Variants in WDR7 observed in about 807,000 individuals in gnomAD.
WDR7 encodes WD repeat-containing protein 7.
WDR7 carries 46 observed loss-of-function variants against 169.4 expected under a neutral mutation model. The ratio of observed to expected loss-of-function variants is 0.27; its 90% CI spans 0.21 to 0.35. WDR7 has a LOEUF of 0.35. Among genes scored for constraint, WDR7 ranks in the 10% least tolerant of loss-of-function variants. The pLI, the probability that WDR7 is intolerant of heterozygous loss-of-function variation, is 1.00. For synonymous variants in WDR7, 612 were observed against 666.8 expected (o/e 0.92, Z 1.27); for missense variants, 1,534 against 1,859.3 (o/e 0.83, Z 3.22).
chr18:56,683,068 A>G (rs1012740332), intron 5 of WDR7, among the ~76,000 whole-genome samples: 3 of 152,328 alleles, frequency 2.0e-5, no homozygotes, highest in South Asian at 4.1e-4. Context: ...TCCATGATGT[A>G]TAGATCATCA....
At chr18:56,933,665 A>G (rs572869419) in intron 22 of WDR7, among the ~76,000 whole-genome samples, 26 of 152,370 alleles carry the variant, frequency 1.7e-4, no homozygotes, top group African/African-American at 6.0e-4. Context: ...TAACCACAGT[A>G]TGGTCACTCC....
intron 1 of WDR7, among the ~76,000 whole-genome samples, chr18:56,666,948 TA>T (rs2025038510): frequency 1.3e-5 from 2 of 151,576 alleles, no homozygotes; most frequent in African/African-American, 4.8e-5. Flanking sequence ...TGCTTAAATA[TA>T]AAAAATAAAA....
At chr18:56,693,176 A>G (rs1598966110) in intron 9 of WDR7, among the ~76,000 whole-genome samples, 1 of 152,248 alleles carries the variant, frequency 6.6e-6, no homozygotes, top group East Asian at 1.9e-4. Context: ...ATTAACCAGT[A>G]TTTGAATACA....
chr18:56,823,740 T>C (rs1286601395), intron 20 of WDR7, among the ~76,000 whole-genome samples: 2 of 152,200 alleles, frequency 1.3e-5, no homozygotes, highest in East Asian at 3.9e-4. Context: ...GCTTTCCCAC[T>C]TTTTAACAAT....
chr18:56,885,645 C>A (rs930788970), intron 21 of WDR7, among the ~76,000 whole-genome samples: 2 of 121,234 alleles, frequency 1.6e-5, no homozygotes, highest in African/African-American at 5.8e-5. Flanking sequence ...CACGGTGAAA[C>A]CCTGTCTCTA....
chr18:56,725,031 A>G (rs1052831993), intron 13 of WDR7, among the ~76,000 whole-genome samples: 4 of 151,520 alleles, frequency 2.6e-5, no homozygotes, highest in African/African-American at 4.9e-5. Context: ...TATGTGCCAC[A>G]TTTGCTTAAT....
At chr18:56,815,253 T>C (rs2044945179) in intron 19 of WDR7, among the ~76,000 whole-genome samples, 1 of 152,166 alleles carries the variant, frequency 6.6e-6, no homozygotes, top group African/African-American at 2.4e-5. Flanking sequence ...TATATTATCA[T>C]GATTGAGAAA....
intron 26 of WDR7, among the ~76,000 whole-genome samples, chr18:57,017,316 A>G (rs950214669): frequency 6.6e-6 from 1 of 152,188 alleles, no homozygotes; most frequent in Non-Finnish European, 1.5e-5. Context: ...CTCTTACGAG[A>G]CAGCAGGTCT....
At chr18:56,671,629 G>C (rs548150927) in intron 1 of WDR7, among the ~76,000 whole-genome samples, 1 of 152,142 alleles carries the variant, frequency 6.6e-6, no homozygotes, top group Non-Finnish European at 1.5e-5. Context: ...TTTTTCTTGG[G>C]CGTTGGTATT....
At chr18:56,874,050 A>T (rs1165617490) in intron 20 of WDR7, 1 of 152,094 alleles carries the variant, frequency 6.6e-6, no homozygotes, top group African/African-American at 2.4e-5. Context: ...GGGGGAGGGG[A>T]GCTTGGTTTG....
chr18:56,686,887 A>G lies in WDR7; in HGVS notation c.630A>G (p.Lys210=), dbSNP rs1381784459. ...AGCCAATATTTGAGGAGGAATCCAAACCAATTTATTGTCAGAATTGCCAAA... is the reference window on the plus strand; with the variant it reads ...AGCCAATATTTGAGGAGGAATCCAAGCCAATTTATTGTCAGAATTGCCAAA... ...DTEPIFEEES[K]PIYCQNCQSI... Residue 210 remains lysine, a synonymous_variant, in exon 7 of 28, where the codon AAA becomes AAG. Coordinates refer to ENST00000254442, the MANE Select transcript of WDR7 (RefSeq NM_015285.3). 1 of 1,609,322 alleles carries G rather than the reference A, an allele frequency of 6.2e-7. No homozygotes were observed. Among genetic ancestry groups the G allele is most frequent in the East Asian group, 2.2e-5 (1 of 44,792 alleles).
chr18:56,739,101 CTA>C (rs1426862347), intron 14 of WDR7, among the ~76,000 whole-genome samples: 1 of 151,872 alleles, frequency 6.6e-6, no homozygotes, highest in African/African-American at 2.4e-5. Flanking sequence ...CCCTGCTACT[CTA>C]TCTCTGTTTT....
intron 1 of WDR7, among the ~76,000 whole-genome samples, chr18:56,671,777 G>A (rs969254025): frequency 6.6e-6 from 1 of 151,518 alleles, no homozygotes; most frequent in African/African-American, 2.5e-5. Context: ...CTTTGTCTAT[G>A]AAATAGGAAT....
At chr18:56,682,957 T>G (rs2025378519) in intron 5 of WDR7, 104 bp downstream of exon 5, 1 of 1,249,924 alleles carries the variant, frequency 8.0e-7, no homozygotes, top group Non-Finnish European at 1.1e-6. Context: ...GGATATATTC[T>G]TCTATGTAAG....
chr18:56,932,086 C>T (rs1176520922), intron 22 of WDR7, among the ~76,000 whole-genome samples: 3 of 152,092 alleles, frequency 2.0e-5, no homozygotes, highest in Non-Finnish European at 4.4e-5. Flanking sequence ...AGAGGAGGGA[C>T]ACAAGGTTTC....
intron 19 of WDR7, among the ~76,000 whole-genome samples, chr18:56,782,711 A>G (rs2044337629): frequency 6.6e-6 from 1 of 152,162 alleles, no homozygotes; most frequent in Non-Finnish European, 1.5e-5. Flanking sequence ...ACATTATTAT[A>G]CAAGAAGGAA....
At chr18:56,802,523 A>ATTTTTTT (rs34077855) in intron 19 of WDR7, among the ~76,000 whole-genome samples, 1 of 132,396 alleles carries the variant, frequency 7.6e-6, no homozygotes, top group Non-Finnish European at 1.6e-5. Flanking sequence ...ACACCGGCTA[A>ATTTTTTT]TTTTTTTTTT....
chr18:56,918,655 T>G (rs2046664865), intron 21 of WDR7, among the ~76,000 whole-genome samples: 2 of 152,312 alleles, frequency 1.3e-5, no homozygotes, highest in South Asian at 4.1e-4. Flanking sequence ...AAATATAGCT[T>G]TATGAAAAAA....
At chr18:56,813,970 G>T (rs776026436) in intron 19 of WDR7, among the ~76,000 whole-genome samples, 1 of 152,128 alleles carries the variant, frequency 6.6e-6, no homozygotes, top group Non-Finnish European at 1.5e-5. Context: ...AATCAGTATT[G>T]TGTGATTCTG....
Sources: allele counts gnomAD v4.1 joint callset (sites outside exome capture counted in the v4.1 genomes callset), GRCh38; gene constraint gnomAD v4.1.1; transcripts MANE v1.5; gene names NCBI Gene and HGNC (gene_info 2026-07-23, HGNC 2026-07-21).